CUL4B: variants seen among roughly 807,000 people sequenced by gnomAD.
The protein encoded by CUL4B is cullin 4B.
A neutral mutation model predicts 69.2 loss-of-function variants in CUL4B; 1 was observed. The ratio of observed to expected loss-of-function variants is 0.01; its 90% CI spans 0.01 to 0.07. The LOEUF is 0.07. Ranked by LOEUF, CUL4B falls within the 10% of genes least tolerant of loss-of-function variation. The pLI, the probability that CUL4B is intolerant of heterozygous loss-of-function variation, is 1.00. For synonymous variants in CUL4B, 237 were observed against 223.2 expected (o/e 1.06, Z -0.55); for missense variants, 328 against 638.8 (o/e 0.51, Z 5.24).
At chrX:120,570,101 T>C (rs139252360), downstream of CUL4B, among the ~76,000 whole-genome samples, 270 of 111,892 alleles carry the variant, frequency 2.4e-3, no homozygotes, top group African/African-American at 8.2e-3. Context: ...CAAATCTTAC[T>C]CAAATACCCT....
chrX:120,560,235 T>A lies in CUL4B; in HGVS notation c.404A>T (p.Gln135Leu). The A allele has an allele frequency of 8.3e-7, 1 of 1,210,316 alleles. No individual in the cohort carries two copies. The highest frequency in any genetic ancestry group is 1.1e-6 in the Non-Finnish European group (1 of 894,182). The change falls in exon 1 of 20, where the codon CAG becomes CTG. Residue 135 changes from glutamine to leucine, a missense_variant. Coordinates refer to ENST00000371322, the MANE Select transcript of CUL4B (RefSeq NM_001079872.2). The part of the protein sequence containing the change: ...SSSSPTAATS[Q>L]QQQLKNKSIL... ...ACTCTTATTTTTAAGTTGCTGCTGC[T>A]GAGATGTTGCAGCAGTTGGTGAAGA...
chrX:120,548,531 A>T (rs1924476858), intron 2 of CUL4B, among the ~76,000 whole-genome samples: 1 of 111,636 alleles, frequency 9.0e-6, no homozygotes, highest in Non-Finnish European at 1.9e-5. Context: ...AGAATAGTTA[A>T]ATATAGATTT....
At chrX:120,543,116 T>C in intron 8 of CUL4B, 83 bp from the exon 9 acceptor site, 1 of 558,529 alleles carries the variant, frequency 1.8e-6, no homozygotes, top group South Asian at 2.6e-5. Flanking sequence ...GGGAAAAAAA[T>C]CAAATAGCTC....
At chrX:120,550,010 G>A (rs1226621985) in intron 2 of CUL4B, among the ~76,000 whole-genome samples, 1 of 111,155 alleles carries the variant, frequency 9.0e-6, no homozygotes, top group Non-Finnish European at 1.9e-5. Context: ...AACAGTTCTC[G>A]GCACATCTAC....
chrX:120,533,027 G>T (rs1488401800), intron 17 of CUL4B, among the ~76,000 whole-genome samples: 1 of 112,452 alleles, frequency 8.9e-6, no homozygotes, highest in Admixed American at 9.4e-5. Flanking sequence ...ACTATCAACT[G>T]TAGTTACGTC....
Position 120,541,591 on chromosome X carries a change from A to T in CUL4B, c.1443+11T>A. The T allele has an allele frequency of 9.1e-7, 1 of 1,095,986 alleles. No homozygotes were observed. Among genetic ancestry groups the T allele is most frequent in the South Asian group, 1.8e-5 (1 of 54,579 alleles). The allele number at this position is 1,095,986 out of a possible 1,213,427, so 90.3% of individuals were successfully genotyped here. ...CATAAGAGAGAAAAATCACAGGTAA[A>T]TTGTTAATACCTTGATATATTCGAT... On this transcript the variant is annotated intron_variant, in intron 10 of 19. Coordinates refer to ENST00000371322, the MANE Select transcript of CUL4B (RefSeq NM_001079872.2).
intron 7 of CUL4B, 83 bp downstream of exon 7, chrX:120,544,031 A>C: frequency 1.5e-6 from 1 of 659,629 alleles, no homozygotes; most frequent in Non-Finnish European, 2.5e-6. Flanking sequence ...TGGGAAGATA[A>C]ATGCAAAGGG....
rs1416328621 is a variant in CUL4B at position 120,560,661 on chromosome X, A to G, written c.-23T>C. On this transcript the variant is annotated 5_prime_UTR_variant, in exon 1 of 20. Coordinates refer to ENST00000371322, the MANE Select transcript of CUL4B (RefSeq NM_001079872.2). ...CATGAAAATAGCGGGGTCAACAGGC[A>G]GAGGAGCATCAAAAACCTACGTTTA... 8.4e-7 allele frequency: 1 copy of G among 1,197,509 alleles called. No individual in the cohort carries two copies. The highest frequency in any genetic ancestry group is 1.8e-5 in the South Asian group (1 of 56,427).
chrX:120,537,978 A>G (rs978403722), intron 14 of CUL4B, 146 bp downstream of exon 14: 1 of 438,643 alleles, frequency 2.3e-6, no homozygotes, highest in African/African-American at 2.5e-5. Context: ...ATATTTCACC[A>G]ATTTTTTTTT....
intron 1 of CUL4B, chrX:120,559,718 A>T (rs1487545651): frequency 1.2e-5 from 11 of 925,458 alleles, no homozygotes; most frequent in Non-Finnish European, 1.4e-5. Context: ...AAATCCCAGC[A>T]ATGCCAAGGC....
At chrX:120,535,771 G>A in intron 16 of CUL4B, 59 bp downstream of exon 16, 1 of 671,387 alleles carries the variant, frequency 1.5e-6, no homozygotes, top group Admixed American at 2.3e-5. Flanking sequence ...AGTTAAGAAG[G>A]ATGACCTAAA....
chrX:120,527,004 G>T (rs1923008701), intron 19 of CUL4B, 148 bp from the exon 20 acceptor site: 1 of 309,245 alleles, frequency 3.2e-6, no homozygotes. Context: ...CTCTTTTTTA[G>T]AGAAAAGTAT....
chrX:120,557,600 T>A (rs1462751683), intron 2 of CUL4B, among the ~76,000 whole-genome samples: 3 of 111,959 alleles, frequency 2.7e-5, no homozygotes, highest in Non-Finnish European at 5.6e-5. Context: ...ATTATCACAA[T>A]AGAATGACAT....
At chrX:120,573,642 A>C (rs1191100745) in intron 2 of CUL4B, among the ~76,000 whole-genome samples, 1 of 111,937 alleles carries the variant, frequency 8.9e-6, no homozygotes, top group African/African-American at 3.2e-5. Flanking sequence ...GTTTTTGCCA[A>C]AATATTACAT....
At chrX:120,544,344 T>C in intron 6 of CUL4B, 137 bp downstream of exon 6, 1 of 820,301 alleles carries the variant, frequency 1.2e-6, no homozygotes, top group Non-Finnish European at 1.8e-6. Context: ...GCATGATGAT[T>C]GGGTTTTTAT....
At chrX:120,557,084 T>C (rs1324045074) in intron 2 of CUL4B, among the ~76,000 whole-genome samples, 2 of 110,244 alleles carry the variant, frequency 1.8e-5, no homozygotes, top group Non-Finnish European at 3.8e-5. Context: ...GCTAATTTTG[T>C]ATTTTTAGTA....
upstream of CUL4B, chrX:120,561,040 G>T (rs952781574): frequency 1.0e-6 from 1 of 969,332 alleles, no homozygotes; most frequent in Non-Finnish European, 1.3e-6. Context: ...GGGGGAGGGG[G>T]AAAGAACCAG....
At chrX:120,561,608 T>G (rs776528029), upstream of CUL4B, among the ~76,000 whole-genome samples, 18 of 102,245 alleles carry the variant, frequency 1.8e-4, no homozygotes, top group Admixed American at 7.3e-4. Context: ...GGGAAGGTAG[T>G]GACGGCGAGG....
chrX:120,540,556 C>T lies in CUL4B; in HGVS notation c.1450G>A (p.Gly484Ser). Reference protein sequence around the residue: ...QQWIEYIKAFGSTIVINPEKD... With the variant: ...QQWIEYIKAFSSTIVINPEKD... ...TCAGGATTAATTACAATAGTGCTGC[C>T]AAATGCCTAAAACAAAAAATTACCA... is the stretch of plus-strand genomic sequence containing the variant. Residue 484 changes from glycine (G) to serine (S), a missense_variant, in exon 11 of 20, where the codon GGC becomes AGC. Transcript: ENST00000371322. 8.4e-7 allele frequency: 1 copy of T among 1,196,023 alleles called. No individual in the cohort carries two copies. Among genetic ancestry groups the T allele is most frequent in the Non-Finnish European group, 1.1e-6 (1 of 883,401 alleles).
Sources: allele counts gnomAD v4.1 joint callset (sites outside exome capture counted in the v4.1 genomes callset), GRCh38; gene constraint gnomAD v4.1.1; transcripts MANE v1.5; gene names NCBI Gene and HGNC (gene_info 2026-07-23, HGNC 2026-07-21).